The following TARS3 variants were observed in gnomAD, a reference collection of about 807,000 sequenced individuals.
The protein encoded by TARS3 is threonyl-tRNA synthetase 3.
A neutral mutation model predicts 103.5 loss-of-function variants in TARS3; 94 were observed. The observed-to-expected ratio is 0.91, with a 90% CI of 0.77 to 1.08. The LOEUF (loss-of-function observed/expected upper bound fraction) is 1.08. Ranked by LOEUF, TARS3 falls within the 50% of genes least tolerant of loss-of-function variation. The probability of loss-of-function intolerance (pLI) is 0.00; values close to 1 mark genes in which losing one functional copy is unlikely to be tolerated. For synonymous variants in TARS3, 416 were observed against 355.4 expected, an observed-to-expected ratio of 1.17 and a Z score of -1.92; for missense variants, 952 against 995.2, an observed-to-expected ratio of 0.96 and a Z score of 0.58.
intron 18 of TARS3, among the ~76,000 whole-genome samples, chr15:101,655,083 G>A (rs1034167401): frequency 1.3e-5 from 2 of 150,350 alleles, no homozygotes; most frequent in African/African-American, 4.9e-5. Context: ...GCAAATGAGA[G>A]CGGGGAGCTC....
intron 12 of TARS3, among the ~76,000 whole-genome samples, chr15:101,679,594 A>G (rs1338796953): frequency 1.3e-5 from 2 of 152,210 alleles, no homozygotes; most frequent in Non-Finnish European, 2.9e-5. Context: ...TCTCTGGCAG[A>G]TAATTGTAAC....
At chr15:101,700,309 T>C (rs560333967) in intron 10 of TARS3, among the ~76,000 whole-genome samples, 1 of 152,286 alleles carries the variant, frequency 6.6e-6, no homozygotes, top group South Asian at 2.1e-4. Flanking sequence ...GTAATACAAG[T>C]AGGTATTTTG....
intron 16 of TARS3, 21 bp from the exon 17 acceptor site, chr15:101,657,878 A>G (rs553475910): frequency 3.4e-6 from 5 of 1,471,122 alleles, no homozygotes; most frequent in East Asian, 4.9e-5. Flanking sequence ...TATATAAAAT[A>G]TGTATTTTCA....
At chr15:101,660,670 C>T (rs1897342308) in intron 16 of TARS3, among the ~76,000 whole-genome samples, 1 of 152,196 alleles carries the variant, frequency 6.6e-6, no homozygotes, top group African/African-American at 2.4e-5. Context: ...GGTTATGGTA[C>T]CATCCCGGGG....
At position 101,711,444 on chromosome 15, in the gene TARS3, G is replaced by T. The variant is rs138315307; in HGVS notation, c.812+436C>A. Among the ~76,000 whole-genome samples the T allele has an allele frequency of 1.6e-3, 241 of 152,206 alleles. 1 individual carries two copies. Among genetic ancestry groups the T allele is most frequent in the African/African-American group, 5.3e-3 (222 of 41,518 alleles). ...TCCACCTATATGTGGATTTTCTTCT[G>T]CCTCTGCCACCCGGAGACAGCAAGA... On this transcript the variant is annotated intron_variant, in intron 5 of 18. Coordinates refer to ENST00000335968, the MANE Select transcript of TARS3 (RefSeq NM_152334.3).
intron 2 of TARS3, among the ~76,000 whole-genome samples, 160 bp downstream of exon 2, chr15:101,722,933 G>A (rs577105529): frequency 6.6e-6 from 1 of 152,014 alleles, no homozygotes; most frequent in Non-Finnish European, 1.5e-5. Flanking sequence ...CATTTCTCAA[G>A]ACATCTCATA....
At position 101,724,450 on chromosome 15, in the gene TARS3, GA is replaced by G; in HGVS notation, c.-64del. 1 of 1,353,382 alleles carries G rather than the reference GA, an allele frequency of 7.4e-7. No individual in the cohort carries two copies. Among genetic ancestry groups the G allele is most frequent in the Non-Finnish European group, 9.4e-7 (1 of 1,060,504 alleles). The allele number at this position is 1,353,382 out of a possible 1,614,324, so 83.8% of individuals were successfully genotyped here. ...CCGCGACTGCGGCGAGGGCGACGCG[GA>G]CACTCAGCGCACGGCAGAAGACAGG... On this transcript the variant is annotated 5_prime_UTR_variant, in exon 1 of 19. Transcript: ENST00000335968.
At position 101,708,047 on chromosome 15, in the gene TARS3, C is replaced by T. The variant is rs1015402046; in HGVS notation, c.930+746G>A. ...TCACTTGAGGTCAGGAATTCAAGACCAGCCTGGCCAACATGGCAAAACTTT... is the reference window on the plus strand; with the variant it reads ...TCACTTGAGGTCAGGAATTCAAGACTAGCCTGGCCAACATGGCAAAACTTT... On this transcript the variant is annotated intron_variant, in intron 6 of 18. Coordinates refer to ENST00000335968, the MANE Select transcript of TARS3 (RefSeq NM_152334.3). Among the ~76,000 whole-genome samples the T allele has an allele frequency of 2.0e-5, 3 of 151,766 alleles. No individual in the cohort carries two copies. In the South Asian group the frequency reaches 6.2e-4, roughly 32 times the overall value.
Position 101,654,295 on chromosome 15 carries a change from TC to T in TARS3, c.*286del, listed in dbSNP as rs1897118404. 3.4e-6 allele frequency: 1 copy of T among 297,986 alleles called. No homozygotes were observed. The highest frequency in any genetic ancestry group is 6.3e-5 in the East Asian group (1 of 15,864). The allele number at this position is 297,986 out of a possible 1,614,324, so 18.5% of individuals were successfully genotyped here. The stretch of plus-strand genomic sequence containing the variant: ...AAATCACTAACATTTCATAATCATT[TC>T]CTAGTGTTTTGTTTCACTTTCTCGA... On this transcript the variant is annotated 3_prime_UTR_variant, in exon 19 of 19. Coordinates refer to ENST00000335968, the MANE Select transcript of TARS3 (RefSeq NM_152334.3).
chr15:101,668,952 TTTAA>T (rs1897690298), intron 15 of TARS3, among the ~76,000 whole-genome samples: 1 of 152,226 alleles, frequency 6.6e-6, no homozygotes, highest in Non-Finnish European at 1.5e-5. Flanking sequence ...ACACTATACT[TTTAA>T]TTGTTATTTA....
intron 11 of TARS3, among the ~76,000 whole-genome samples, chr15:101,685,010 G>A (rs933503599): frequency 2.0e-5 from 3 of 152,218 alleles, no homozygotes; most frequent in Admixed American, 2.0e-4. Flanking sequence ...TTTAGAAAGA[G>A]AGGATACAGA....
intron 3 of TARS3, among the ~76,000 whole-genome samples, chr15:101,720,802 T>C (rs1184443110): frequency 3.3e-5 from 5 of 152,154 alleles, no homozygotes; most frequent in African/African-American, 7.2e-5. Flanking sequence ...TGTTCTTTGA[T>C]AGTGAGTGCA....
At chr15:101,717,722 C>CT (rs1900226561) in intron 3 of TARS3, among the ~76,000 whole-genome samples, 1 of 152,224 alleles carries the variant, frequency 6.6e-6, no homozygotes, top group Non-Finnish European at 1.5e-5. Flanking sequence ...TGGGAGAAAT[C>CT]TGGGTCCCCA....
At position 101,720,848 on chromosome 15, in the gene TARS3, C is replaced by A. The variant is rs184341517; in HGVS notation, c.566+278G>T. ...ATCTGATGGTTTTATAAGGGGTTTT[C>A]CCCCCACTTTGCTCTGCACTTCTCC... On this transcript the variant is annotated intron_variant, in intron 3 of 18. Transcript: ENST00000335968. Among the ~76,000 whole-genome samples, 53 of 152,198 alleles carry A rather than the reference C, an allele frequency of 3.5e-4. No homozygotes were observed. The East Asian group carries it at 0.01, about 29-fold the overall frequency.
Position 101,724,256 on chromosome 15 carries a change from C to A in TARS3, c.132G>T (p.Gln44His). Residue 44 changes from glutamine to histidine, a missense_variant, in exon 1 of 19, where the codon CAG (glutamine) becomes CAT (histidine). Physicochemically the swap from Gln to His is conservative, Grantham distance 24. Around this residue, in one of 2 missense-constraint regions of TARS3, gnomAD observed 412 missense variants for 364.2 expected, o/e 1.13. Coordinates refer to ENST00000335968, the MANE Select transcript of TARS3 (RefSeq NM_152334.3). The stretch of plus-strand genomic sequence containing the variant: ...CCCGCGTGAGGCACGGCCCCTCCGC[C>A]TGGCAGCTGTAGGGCGCGTTCAGCT... ...DEQLNAPYSC[Q>H]AEGPCLTREV... 6.4e-7 allele frequency: 1 copy of A among 1,563,686 alleles called. No individual in the cohort carries two copies.
At chr15:101,701,663 A>T (rs1387586267) in intron 9 of TARS3, among the ~76,000 whole-genome samples, 1 of 152,360 alleles carries the variant, frequency 6.6e-6, no homozygotes, top group African/African-American at 2.4e-5. Flanking sequence ...AGTGAGTACA[A>T]GGACTGGGCA....
intron 4 of TARS3, 110 bp from the exon 5 acceptor site, chr15:101,712,111 C>A (rs997679651): frequency 3.4e-6 from 4 of 1,178,120 alleles, no homozygotes; most frequent in South Asian, 3.3e-5. Context: ...ATGGCAAGAC[C>A]AAGGGCAGCA....
chr15:101,657,722 A>G, intron 17 of TARS3, 63 bp downstream of exon 17: 1 of 1,152,684 alleles, frequency 8.7e-7, no homozygotes, highest in Non-Finnish European at 1.2e-6. Context: ...GGACACTCCA[A>G]ATCGATGACC....
intron 12 of TARS3, among the ~76,000 whole-genome samples, chr15:101,678,211 C>T (rs1331963723): frequency 1.3e-5 from 2 of 151,984 alleles, no homozygotes; most frequent in African/African-American, 4.8e-5. Context: ...AACTCCTGAC[C>T]TCATGATCTG....
Sources: allele counts gnomAD v4.1 joint callset (sites outside exome capture counted in the v4.1 genomes callset), GRCh38; gene constraint gnomAD v4.1.1; regional missense constraint gnomAD v4.1.1; transcripts MANE v1.5; gene names NCBI Gene and HGNC (gene_info 2026-07-23, HGNC 2026-07-21).